Variants in C6orf141 observed in about 807,000 individuals in gnomAD.
C6orf141 encodes uncharacterized protein C6orf141.
For synonymous variants in C6orf141, 164 were observed against 140.5 expected (o/e 1.17, Z -1.18); for missense variants, 361 against 335.8 (o/e 1.07, Z -0.59).
intron 4 of C6orf141, among the ~76,000 whole-genome samples, chr6:49,559,611 A>G (rs985901857): frequency 6.6e-6 from 1 of 151,952 alleles, no homozygotes; most frequent in Non-Finnish European, 1.5e-5. Context: ...TGAGTGTTAA[A>G]TTTGCTTTGT....
At chr6:49,552,230 G>T (rs1460148747), downstream of C6orf141, 1 of 152,252 alleles carries the variant, frequency 6.6e-6, no homozygotes, top group African/African-American at 2.4e-5. Flanking sequence ...AATACTGCAT[G>T]TAAATGTTCT....
At chr6:49,558,059 G>GTTTTTTTTTTTTTGTTTTTTTTTGTTT (rs1772345550) in intron 4 of C6orf141, among the ~76,000 whole-genome samples, 3 of 97,800 alleles carry the variant, frequency 3.1e-5, no homozygotes, top group African/African-American at 8.1e-5. Flanking sequence ...ACTCAAATAT[G>GTTTTTTTTTTTTTGTTTTTTTTTGTTT]TTTTTTTTTT....
rs896975966 is a variant in C6orf141, at chr6:49,551,178, A to G, written c.386A>G (p.Asn129Ser). The part of the protein sequence containing the change: ...AGGEDHGEEP[N>S]YPSVFQRQKR... ...GGAGAGGACCACGGCGAGGAGCCCA[A>G]CTACCCTTCTGTCTTTCAACGACAA... Residue 129 changes from asparagine (N) to serine (S), a missense_variant, in exon 1 of 1, where the codon AAC becomes AGC. Physicochemically the swap from Asn to Ser is conservative, Grantham distance 46. Coordinates refer to ENST00000529246, the MANE Select transcript of C6orf141 (RefSeq NM_001145652.2). 40 of 1,551,422 alleles carry G rather than the reference A, an allele frequency of 2.6e-5. No individual in the cohort carries two copies. The highest frequency in any genetic ancestry group is 3.3e-5 in the Non-Finnish European group (38 of 1,146,926).
downstream of C6orf141, chr6:49,555,232 C>A (rs1771585072): frequency 6.6e-6 from 1 of 152,178 alleles, no homozygotes; most frequent in South Asian, 2.1e-4. Flanking sequence ...ATTTGACTTA[C>A]TGCTTATTTT....
Position 49,551,493 on chromosome 6 carries a change from C to T in C6orf141, c.701C>T (p.Ser234Phe), listed in dbSNP as rs1192547174. 2.6e-6 allele frequency: 4 copies of T among 1,551,400 alleles called. No individual in the cohort carries two copies. In the East Asian group the frequency reaches 9.8e-5, roughly 38 times the overall value. Residue 234 changes from serine (S) to phenylalanine (F), a missense_variant, in exon 1 of 1, where the codon TCT becomes TTT. Coordinates refer to ENST00000529246, the MANE Select transcript of C6orf141 (RefSeq NM_001145652.2). ...GCCGCGGGGAGGAGGGTTTCACCGT[C>T]TCCAGGGACTTGGCTCGAGGAAATT... ...VHAAGRRVSP[S>F]PGTWLEEIKL
downstream of C6orf141, among the ~76,000 whole-genome samples, chr6:49,555,513 CT>C (rs55766532): frequency 4.5e-5 from 6 of 132,608 alleles, no homozygotes; most frequent in African/African-American, 1.4e-4. Context: ...CCAGGCTAGT[CT>C]TTTTTTTTTT....
At chr6:49,559,165 CATATATATATATATAT>C (rs66650945) in intron 4 of C6orf141, among the ~76,000 whole-genome samples, 35 of 37,368 alleles carry the variant, frequency 9.4e-4, no homozygotes, top group East Asian at 2.1e-3. Context: ...GGTCATTGTC[CATATATATATATATAT>C]ATATATATAT....
intron 4 of C6orf141, among the ~76,000 whole-genome samples, chr6:49,561,358 C>G (rs1344611260): frequency 6.6e-6 from 1 of 152,194 alleles, no homozygotes; most frequent in African/African-American, 2.4e-5. Flanking sequence ...CTTGGCCTCC[C>G]AAAGTGCTGG....
At chr6:49,561,577 C>T (rs1226065327) in intron 4 of C6orf141, 1 of 152,182 alleles carries the variant, frequency 6.6e-6, no homozygotes, top group African/African-American at 2.4e-5. Flanking sequence ...TTATGTGTAA[C>T]ATTTAAAATA....
At chr6:49,558,868 T>C (rs1338144668) in intron 4 of C6orf141, among the ~76,000 whole-genome samples, 1 of 151,566 alleles carries the variant, frequency 6.6e-6, no homozygotes, top group African/African-American at 2.4e-5. Context: ...CCACCATGCC[T>C]GGCTAATTTT....
downstream of C6orf141, chr6:49,555,411 C>T (rs1771646686): frequency 6.6e-6 from 1 of 151,970 alleles, no homozygotes; most frequent in Non-Finnish European, 1.5e-5. Context: ...ACAGATGACC[C>T]CAAATCTCTT....
rs1770555484 is a variant in C6orf141, at chr6:49,551,466, A to G, written c.674A>G (p.His225Arg). 6.4e-7 allele frequency: 1 copy of G among 1,551,482 alleles called. No homozygotes were observed. Residue 225 changes from histidine to arginine, a missense_variant, in exon 1 of 1, where the codon CAC becomes CGC. Transcript: ENST00000529246. ...GCACGAACAGGGGCATCCCGCGTCC[A>G]CGCCGCGGGGAGGAGGGTTTCACCG... ...LQARTGASRV[H>R]AAGRRVSPSP... is the part of the protein sequence containing the mutation.
chr6:49,551,633 T>G lies in C6orf141; in HGVS notation c.*106T>G. 6.7e-7 allele frequency: 1 copy of G among 1,496,610 alleles called. No individual in the cohort carries two copies. The highest frequency in any genetic ancestry group is 1.4e-5 in the African/African-American group (1 of 70,322). 92.7% of individuals were successfully genotyped at this position (1,496,610 alleles called of 1,614,324 possible). A position where few individuals can be genotyped will look rare whatever the true frequency, so the allele number is the denominator to read the frequency against. On this transcript the variant is annotated 3_prime_UTR_variant, in exon 1 of 1. Coordinates refer to ENST00000529246, the MANE Select transcript of C6orf141 (RefSeq NM_001145652.2). ...GCAATTAACCTACAGAAGGAACCTT[T>G]TGAGAGGCTGGTGCAGCGCTTCGGG...
rs200640648 is a variant in C6orf141, at chr6:49,558,648, CTAT to C, written c.*764-3046_*764-3044del. Among the ~76,000 whole-genome samples, 872 of 151,996 alleles carry C rather than the reference CTAT, an allele frequency of 5.7e-3. 9 individuals are homozygous for C. Among genetic ancestry groups the C allele is most frequent in the African/African-American group, 0.02 (827 of 41,460 alleles). ...GCCTATAATAAATACTCAAAATTAA[CTAT>C]TATTATTATAATTAGTATTAGTGGT... On this transcript the variant is annotated intron_variant and NMD_transcript_variant, in intron 4 of 4. Transcript: ENST00000371194.
Position 49,551,395 on chromosome 6 carries a change from A to T in C6orf141, c.603A>T (p.Gly201=). The T allele has an allele frequency of 6.4e-7, 1 of 1,551,638 alleles. No individual in the cohort carries two copies. The highest frequency in any genetic ancestry group is 8.7e-7 in the Non-Finnish European group (1 of 1,146,984). ...TALTFRSSRE[G]QPGERWGPAE... Reference sequence around the variant, plus strand: ...TCACTTTTCGCAGCAGTAGAGAGGGACAGCCTGGGGAACGCTGGGGCCCTG... The same window carrying T: ...TCACTTTTCGCAGCAGTAGAGAGGGTCAGCCTGGGGAACGCTGGGGCCCTG... The change falls in exon 1 of 1, where the codon GGA becomes GGT. Residue 201 remains glycine (G), a synonymous_variant. Transcript: ENST00000529246.
rs543218285 is a variant in C6orf141 at position 49,559,520 on chromosome 6, G to T, written c.*764-2184G>T. Among the ~76,000 whole-genome samples the T allele has an allele frequency of 3.9e-5, 6 of 151,998 alleles. No homozygotes were observed. In the South Asian group the frequency reaches 1.0e-3, roughly 26 times the overall value. On this transcript the variant is annotated intron_variant and NMD_transcript_variant, in intron 4 of 4. Transcript: ENST00000371194. The stretch of plus-strand genomic sequence containing the variant: ...CTGCATAAGTCCACCTAGGCATGGG[G>T]TATTATCTAGTGGTCACTGGGGTTA...
rs1937333614 is a variant in C6orf141, at chr6:49,551,744, G to A, written c.*217G>A. On this transcript the variant is annotated 3_prime_UTR_variant, in exon 1 of 1. Transcript: ENST00000529246. ...GTCTGGGGACCTAAGTCATTCAGAA[G>A]AGGTGGAGAAAAGATATTTTCAGAT... 2 of 1,405,264 alleles carry A rather than the reference G, an allele frequency of 1.4e-6. No individual in the cohort carries two copies. The highest frequency in any genetic ancestry group is 9.3e-7 in the Non-Finnish European group (1 of 1,078,740). 87.0% of individuals were successfully genotyped at this position (1,405,264 alleles called of 1,614,324 possible).
In C6orf141 at chr6:49,551,000, G is replaced by C; in HGVS notation, c.208G>C (p.Ala70Pro). 6.4e-7 allele frequency: 1 copy of C among 1,551,152 alleles called. No homozygotes were observed. The highest frequency in any genetic ancestry group is 8.7e-7 in the Non-Finnish European group (1 of 1,146,906). The stretch of plus-strand genomic sequence containing the variant: ...CCACGAGGACAGAACGGCAGATCGG[G>C]CCCTCGGACCTCGGGCCGGGGAGGA... ...GGHEDRTADR[A>P]LGPRAGEELD... The change falls in exon 1 of 1, where the codon GCC becomes CCC. Residue 70 changes from alanine (A) to proline (P), a missense_variant. Physicochemically the swap from Ala to Pro is conservative, Grantham distance 27. Coordinates refer to ENST00000529246, the MANE Select transcript of C6orf141 (RefSeq NM_001145652.2).
At chr6:49,558,330 G>C (rs572492766) in intron 4 of C6orf141, among the ~76,000 whole-genome samples, 3 of 151,824 alleles carry the variant, frequency 2.0e-5, no homozygotes, top group East Asian at 1.9e-4. Flanking sequence ...GGCATGGGGG[G>C]AGCTGGAGGC....
Sources: gnomAD v4.1 joint callset for allele counts (sites outside exome capture counted in the v4.1 genomes callset) on GRCh38, gnomAD v4.1.1 for gene constraint, MANE v1.5 for transcripts, NCBI Gene and HGNC (gene_info 2026-07-23, HGNC 2026-07-21) for gene names.